The following GSTZ1 variants were observed in gnomAD, a reference collection of about 807,000 sequenced individuals.
GSTZ1 encodes maleylacetoacetate isomerase.
A neutral mutation model predicts 35.9 loss-of-function variants in GSTZ1; 34 were observed. The ratio of observed to expected loss-of-function variants is 0.95; its 90% confidence interval spans 0.72 to 1.26. GSTZ1 has a LOEUF of 1.26. Among genes scored for constraint, GSTZ1 ranks in the 50% most tolerant of loss-of-function variants. The probability of loss-of-function intolerance (pLI) is 0.00; values close to 1 mark genes in which losing one functional copy is unlikely to be tolerated. For synonymous variants in GSTZ1, 93 were observed against 101.2 expected (o/e 0.92, Z 0.49); for missense variants, 263 against 271.7 (o/e 0.97, Z 0.23).
At chr14:77,321,262 C>T (rs1891929289) in intron 1 of GSTZ1, 79 bp downstream of exon 1, 1 of 1,525,262 alleles carries the variant, frequency 6.6e-7, no homozygotes, top group Non-Finnish European at 8.9e-7. Context: ...AAGTGAGCTG[C>T]ACCGCCCGCC....
In GSTZ1 at chr14:77,331,355, C is replaced by G; in HGVS notation, c.*160C>G. The G allele has an allele frequency of 1.3e-6, 1 of 772,236 alleles. No individual in the cohort carries two copies. The highest frequency in any genetic ancestry group is 2.0e-6 in the Non-Finnish European group (1 of 496,978). 47.8% of individuals were successfully genotyped at this position (772,236 alleles called of 1,614,324 possible). A position where few individuals can be genotyped will look rare whatever the true frequency, so the allele number is the denominator to read the frequency against. On this transcript the variant is annotated 3_prime_UTR_variant, in exon 9 of 9. Coordinates refer to ENST00000216465, the MANE Select transcript of GSTZ1 (RefSeq NM_145870.3). Reference sequence around the variant, plus strand: ...ACTTGTTCCACCTCAGTCCCCTCATCTGTCACACGCATGTGGGGTGGAGTA... The same window carrying G: ...ACTTGTTCCACCTCAGTCCCCTCATGTGTCACACGCATGTGGGGTGGAGTA...
chr14:77,326,899 C>G lies in GSTZ1; in HGVS notation c.129C>G (p.Gly43=). The G allele has an allele frequency of 6.3e-7, 1 of 1,599,854 alleles. No homozygotes were observed. Among genetic ancestry groups the G allele is most frequent in the East Asian group, 2.2e-5 (1 of 44,696 alleles). Residue 43 remains glycine (G), a synonymous_variant, in exon 3 of 9, where the codon GGC becomes GGG. Coordinates refer to ENST00000216465, the MANE Select transcript of GSTZ1 (RefSeq NM_145870.3). ...CCATCAATCTCATAAAGGATGGGGG[C>G]CAACAGGTAAGAAGGCTGTGCCCAG... ...TVPINLIKDG[G]QQFSKDFQAL... is the part of the protein sequence containing the mutation.
intron 2 of GSTZ1, 22 bp from the exon 3 acceptor site, chr14:77,326,816 C>T (rs756442125): frequency 2.7e-5 from 42 of 1,569,118 alleles, no homozygotes; most frequent in South Asian, 1.9e-4. Context: ...TCTTTGACTC[C>T]GCTATGTGCG....
At chr14:77,321,882 CAAAA>C (rs541516245) in intron 1 of GSTZ1, among the ~76,000 whole-genome samples, 5 of 68,134 alleles carry the variant, frequency 7.3e-5, no homozygotes, top group Non-Finnish European at 1.6e-4. Context: ...GACTCCGGCT[CAAAA>C]AAAAAAAAAA....
Position 77,324,901 on chromosome 14 carries a change from G to A in GSTZ1, c.47G>A (p.Cys16Tyr). 6.2e-7 allele frequency: 1 copy of A among 1,614,032 alleles called. No homozygotes were observed. Among genetic ancestry groups the A allele is most frequent in the Non-Finnish European group, 8.5e-7 (1 of 1,179,858 alleles). ...CTCTATTCCTATTTCCGAAGCTCCT[G>A]CTCATGGAGAGTTCGAATTGGTAAG... ...PILYSYFRSS[C>Y]SWRVRIALAL... is the part of the protein sequence containing the mutation. The change falls in exon 2 of 9, where the codon TGC (cysteine) becomes TAC (tyrosine). Residue 16 changes from cysteine to tyrosine, a missense_variant. Coordinates refer to ENST00000216465, the MANE Select transcript of GSTZ1 (RefSeq NM_145870.3).
In GSTZ1 at chr14:77,327,885, C is replaced by A. The variant is rs370219615; in HGVS notation, c.217-27C>A. On this transcript the variant is annotated intron_variant, in intron 4 of 8. Transcript: ENST00000216465. ...TGGTCCAGGGGTCCTGGGCCCTCTC[C>A]CTGCCTCACTGCTCCCCTCTGGACA... 12 of 1,612,984 alleles carry A rather than the reference C, an allele frequency of 7.4e-6. No homozygotes were observed. In the African/African-American group the frequency reaches 1.6e-4, roughly 22 times the overall value.
At chr14:77,329,638 A>G (rs556691403) in intron 6 of GSTZ1, 117 bp from the exon 7 acceptor site, 2 of 792,254 alleles carry the variant, frequency 2.5e-6, no homozygotes, top group Non-Finnish European at 4.5e-6. Context: ...ACCAGCAGCC[A>G]TGCCCAGTCT....
intron 3 of GSTZ1, 135 bp from the exon 4 acceptor site, chr14:77,327,337 G>A: frequency 1.5e-6 from 1 of 673,950 alleles, no homozygotes; most frequent in South Asian, 1.7e-5. Context: ...GGATTACCCT[G>A]GGCCTAGGAT....
chr14:77,328,122 C>T (rs1311431683), intron 5 of GSTZ1, 85 bp downstream of exon 5: 20 of 1,173,592 alleles, frequency 1.7e-5, no homozygotes, highest in East Asian at 3.0e-5. Flanking sequence ...AGTGTGGGGG[C>T]GGGGGTGTCA....
At position 77,328,053 on chromosome 14, in the gene GSTZ1, ACTTGCACC is replaced by A. The variant is rs8177562; in HGVS notation, c.342+24_342+31del. 3.4e-3 allele frequency: 5,478 copies of A among 1,613,204 alleles called. 169 individuals are homozygous for A. In the African/African-American group the frequency reaches 0.061, roughly 18 times the overall value. ...GCCCCTGCAGGTGTGGCACTTGTACACTTGCACCCTTGCACACCTGACACACTCTTACA... is the reference window on the plus strand; with the variant it reads ...GCCCCTGCAGGTGTGGCACTTGTACACTTGCACACCTGACACACTCTTACA... On this transcript the variant is annotated intron_variant, in intron 5 of 8. Transcript: ENST00000216465.
rs572260974 is a variant in GSTZ1, at chr14:77,329,114, G to T, written c.343-9G>T. The T allele has an allele frequency of 1.1e-5, 17 of 1,603,356 alleles. No individual in the cohort carries two copies. In the African/African-American group the frequency reaches 2.3e-4, roughly 21 times the overall value. On this transcript the variant is annotated splice_polypyrimidine_tract_variant and intron_variant, in intron 5 of 8. Transcript: ENST00000216465. Reference sequence around the variant, plus strand: ...CAGCGCAATCACAGATTTTCTTTGGGCTGCACAGAACCTGTCTGTCCTGAA... The same window carrying T: ...CAGCGCAATCACAGATTTTCTTTGGTCTGCACAGAACCTGTCTGTCCTGAA...
chr14:77,325,808 C>G (rs1354479084), intron 2 of GSTZ1: 5 of 152,226 alleles, frequency 3.3e-5, no homozygotes, highest in African/African-American at 1.2e-4. Flanking sequence ...CACTGGGTGC[C>G]AGGAGAAACT....
At chr14:77,321,265 C>G in intron 1 of GSTZ1, 82 bp downstream of exon 1, 1 of 1,524,920 alleles carries the variant, frequency 6.6e-7, no homozygotes, top group Non-Finnish European at 8.9e-7. Flanking sequence ...TGAGCTGCAC[C>G]GCCCGCCCAG....
chr14:77,327,930 C>A lies in GSTZ1; in HGVS notation c.235C>A (p.Leu79Ile), dbSNP rs776051636. ...IHQSLAIIEYLEEMRPTPRLL... is the reference protein window; with the variant it reads ...IHQSLAIIEYIEEMRPTPRLL... ...TGGACAGCTGGCCATCATTGAGTAT[C>A]TAGAGGAGATGCGTCCCACTCCGCG... The change falls in exon 5 of 9, where the codon CTA becomes ATA. Residue 79 changes from leucine to isoleucine, a missense_variant. Physicochemically the swap from Leu to Ile is conservative, Grantham distance 5. Transcript: ENST00000216465. 1.9e-6 allele frequency: 3 copies of A among 1,613,826 alleles called. No homozygotes were observed. In the African/African-American group the frequency reaches 4.0e-5, roughly 22 times the overall value.
chr14:77,326,934 TG>T, intron 3 of GSTZ1, 29 bp downstream of exon 3: 2 of 1,522,026 alleles, frequency 1.3e-6, no homozygotes, highest in Non-Finnish European at 1.8e-6. Flanking sequence ...GACCACAATG[TG>T]GGAATTGGAG....
chr14:77,328,058 C>T (rs781248807), intron 5 of GSTZ1, 21 bp downstream of exon 5: 2 of 1,601,416 alleles, frequency 1.2e-6, no homozygotes, highest in South Asian at 1.1e-5. Flanking sequence ...TGTACACTTG[C>T]ACCCTTGCAC....
intron 3 of GSTZ1, chr14:77,327,179 A>G: frequency 1.7e-6 from 1 of 593,472 alleles, no homozygotes; most frequent in Non-Finnish European, 3.0e-6. Flanking sequence ...TCCCCACCCC[A>G]TACTGGGCCC....
At chr14:77,324,579 G>C in intron 1 of GSTZ1, 1 of 1,532,978 alleles carries the variant, frequency 6.5e-7, no homozygotes, top group Non-Finnish European at 8.7e-7. Context: ...GACATTTCCT[G>C]GGAGGCTGAG....
intron 1 of GSTZ1, chr14:77,324,362 G>A: frequency 1.8e-6 from 1 of 555,442 alleles, no homozygotes; most frequent in East Asian, 3.1e-5. Flanking sequence ...GGCCAGGCTG[G>A]TCTCAAACTC....
Sources: gnomAD v4.1 joint callset for allele counts (sites outside exome capture counted in the v4.1 genomes callset) on GRCh38, gnomAD v4.1.1 for gene constraint, MANE v1.5 for transcripts, NCBI Gene and HGNC (gene_info 2026-07-23, HGNC 2026-07-21) for gene names.